The following LOC400499 variants were observed in gnomAD, a reference collection of about 807,000 sequenced individuals.
the LOC400499 span, among the ~76,000 whole-genome samples, chr16:11,381,898 G>A: frequency 6.6e-6 from 1 of 151,390 alleles, no homozygotes; most frequent in African/African-American, 2.4e-5. Context: ...TTGTATTGGG[G>A]ATCATGCCTG....
At chr16:11,477,854 G>C in the LOC400499 span, 1 of 398,978 alleles carries the variant, frequency 2.5e-6, no homozygotes, top group Non-Finnish European at 4.4e-6. Flanking sequence ...AGAGAAATCC[G>C]AGCGCTGCTG....
chr16:11,500,642 C>T, the LOC400499 span, among the ~76,000 whole-genome samples: 2 of 152,082 alleles, frequency 1.3e-5, no homozygotes, highest in Non-Finnish European at 2.9e-5. Flanking sequence ...CAAAGGTTGC[C>T]TTGAACCCGC....
chr16:11,394,561 G>C, the LOC400499 span, among the ~76,000 whole-genome samples: 3 of 152,240 alleles, frequency 2.0e-5, no homozygotes, highest in East Asian at 1.9e-4. Context: ...TCCTCAGATA[G>C]GTTGAAGCCC....
chr16:11,431,717 T>C, the LOC400499 span, among the ~76,000 whole-genome samples: 6 of 152,128 alleles, frequency 3.9e-5, no homozygotes, highest in Admixed American at 2.6e-4. Context: ...TGAACTGATA[T>C]TGATATTGAT....
At chr16:11,492,217 G>A in the LOC400499 span, among the ~76,000 whole-genome samples, 2 of 152,000 alleles carry the variant, frequency 1.3e-5, no homozygotes, top group African/African-American at 4.8e-5. Flanking sequence ...CCCACATTGT[G>A]ACTCCCTCAA....
At chr16:11,390,445 T>G in the LOC400499 span, 1 of 1,248,418 alleles carries the variant, frequency 8.0e-7, no homozygotes, top group South Asian at 3.9e-5. Flanking sequence ...GTAGGCATCC[T>G]TCAGTGTGGC....
At chr16:11,384,621 G>A in the LOC400499 span, among the ~76,000 whole-genome samples, 2 of 152,226 alleles carry the variant, frequency 1.3e-5, no homozygotes, top group Non-Finnish European at 2.9e-5. Context: ...CCTTGGCAGA[G>A]GGACGACAGA....
chr16:11,381,521 A>G, the LOC400499 span, among the ~76,000 whole-genome samples: 7 of 152,170 alleles, frequency 4.6e-5, no homozygotes, highest in African/African-American at 1.2e-4. Flanking sequence ...CCATCTTCTT[A>G]ATAGAGTCTT....
the LOC400499 span, among the ~76,000 whole-genome samples, chr16:11,455,741 GA>G: frequency 5.8e-4 from 77 of 131,738 alleles, no homozygotes; most frequent in East Asian, 3.1e-3. Flanking sequence ...TCTCAAAAAA[GA>G]AAAAAAAAAA....
At chr16:11,450,969 T>C in the LOC400499 span, 8 of 672,824 alleles carry the variant, frequency 1.2e-5, no homozygotes, top group South Asian at 7.8e-5. Context: ...TTCTAGGACG[T>C]TGGTAATGTT....
the LOC400499 span, chr16:11,402,387 T>C: frequency 4.1e-3 from 1,538 of 376,636 alleles, 20 homozygotes; most frequent in African/African-American, 0.029. Context: ...CCCGTTACAA[T>C]GAGACTCTGA....
At chr16:11,425,296 C>T in the LOC400499 span, 1 of 399,186 alleles carries the variant, frequency 2.5e-6, no homozygotes, top group Non-Finnish European at 4.4e-6. Context: ...AGCTGGAGCT[C>T]TCCAGGCAAG....
chr16:11,372,709 G>T, the LOC400499 span: 4 of 977,068 alleles, frequency 4.1e-6, no homozygotes, highest in African/African-American at 7.0e-5. Flanking sequence ...AAGTCTGGCA[G>T]CCTAGTGCTG....
chr16:11,391,551 G>C, the LOC400499 span: 3 of 896,984 alleles, frequency 3.3e-6, no homozygotes, highest in Non-Finnish European at 4.4e-6. Context: ...TGGGAAGCGA[G>C]GCCACATTTC....
chr16:11,421,769 G>A, the LOC400499 span, among the ~76,000 whole-genome samples: 7 of 152,308 alleles, frequency 4.6e-5, no homozygotes, highest in East Asian at 1.3e-3. Context: ...CTGGGGACCA[G>A]GGAGGAGGGG....
the LOC400499 span, among the ~76,000 whole-genome samples, chr16:11,439,806 C>A: frequency 6.6e-6 from 1 of 152,036 alleles, no homozygotes; most frequent in Non-Finnish European, 1.5e-5. Flanking sequence ...GAAGACCACT[C>A]TGGAACCCCC....
chr16:11,502,607 T>C, the LOC400499 span, among the ~76,000 whole-genome samples: 2 of 151,828 alleles, frequency 1.3e-5, no homozygotes, highest in African/African-American at 2.4e-5. Flanking sequence ...TCCTACATAA[T>C]ATACATACTC....
chr16:11,383,613 C>T, the LOC400499 span: 1 of 1,232,274 alleles, frequency 8.1e-7, no homozygotes, highest in East Asian at 3.2e-5. Context: ...CCAGACGGGG[C>T]AGAGTGCTAG....
chr16:11,460,138 G>A, the LOC400499 span: 16 of 1,167,084 alleles, frequency 1.4e-5, no homozygotes, highest in Middle Eastern at 2.5e-4. Context: ...CCACTCCAGG[G>A]ATATCAGCCT....
Sources: allele counts gnomAD v4.1 joint callset (sites outside exome capture counted in the v4.1 genomes callset), GRCh38; gene constraint gnomAD v4.1.1; transcripts MANE v1.5.